The following DLGAP2 variants were observed in gnomAD, a reference collection of about 807,000 sequenced individuals.
The protein encoded by DLGAP2 is disks large-associated protein 2.
A neutral mutation model predicts 100.3 loss-of-function variants in DLGAP2; 26 were observed. The observed-to-expected ratio is 0.26, with a 90% CI of 0.19 to 0.36. The LOEUF (loss-of-function observed/expected upper bound fraction) is 0.36. Among genes scored for constraint, DLGAP2 ranks in the 10% least tolerant of loss-of-function variants. DLGAP2 has a pLI of 1.00. For missense variants in DLGAP2, 1,858 were observed against 1,453.2 expected, an observed-to-expected ratio of 1.28 and a Z score of -4.53; for synonymous variants, 886 against 630.1, an observed-to-expected ratio of 1.41 and a Z score of -6.08.
At chr8:945,879 A>C (rs1799306589) in intron 2 of DLGAP2, among the ~76,000 whole-genome samples, 1 of 151,480 alleles carries the variant, frequency 6.6e-6, no homozygotes, top group African/African-American at 2.4e-5. Flanking sequence ...GTTTTGTCTG[A>C]AATATGTGTG....
chr8:1,220,743 T>G (rs559331839), intron 2 of DLGAP2, among the ~76,000 whole-genome samples: 60 of 152,342 alleles, frequency 3.9e-4, no homozygotes, highest in African/African-American at 1.4e-3. Flanking sequence ...CAAAGTCTTT[T>G]CATAGGCCTC....
intron 2 of DLGAP2, among the ~76,000 whole-genome samples, chr8:1,083,184 T>C (rs1803866610): frequency 2.0e-5 from 3 of 152,188 alleles, no homozygotes; most frequent in African/African-American, 7.2e-5. Flanking sequence ...AAAGGAATTT[T>C]TCACGTGGAT....
intron 3 of DLGAP2, among the ~76,000 whole-genome samples, chr8:1,417,424 C>G (rs938823767): frequency 6.6e-6 from 1 of 152,190 alleles, no homozygotes; most frequent in Non-Finnish European, 1.5e-5. Flanking sequence ...TTGAAGCAAA[C>G]CTTGTTTTTC....
chr8:813,051 G>A (rs568745778), intron 1 of DLGAP2, among the ~76,000 whole-genome samples: 7 of 152,012 alleles, frequency 4.6e-5, no homozygotes, highest in Non-Finnish European at 8.8e-5. Context: ...ATAATACCCC[G>A]GTATGCTTTG....
intron 8 of DLGAP2, among the ~76,000 whole-genome samples, chr8:1,667,907 G>A (rs112507010): frequency 1.2e-4 from 18 of 151,958 alleles, no homozygotes; most frequent in South Asian, 8.3e-4. Context: ...ATGCCTGTGC[G>A]CTGTCCTGCG....
chr8:1,144,540 C>T (rs1236229560), intron 2 of DLGAP2, among the ~76,000 whole-genome samples: 1 of 152,234 alleles, frequency 6.6e-6, no homozygotes, highest in Non-Finnish European at 1.5e-5. Flanking sequence ...CTGTCTCCAT[C>T]CTTTCGACCA....
chr8:752,370 G>A (rs1212221684), intron 1 of DLGAP2, among the ~76,000 whole-genome samples: 4 of 152,190 alleles, frequency 2.6e-5, no homozygotes, highest in Admixed American at 1.3e-4. Flanking sequence ...TGCCCGGGCC[G>A]GTCTCACACC....
intron 3 of DLGAP2, among the ~76,000 whole-genome samples, chr8:1,491,397 T>TCCGAGGCTTCAGGCTGCTCCCCCGATCC (rs1799383482): frequency 6.7e-6 from 1 of 149,474 alleles, no homozygotes; most frequent in Non-Finnish European, 1.5e-5. Flanking sequence ...CCCCCTGACC[T>TCCGAGGCTTCAGGCTGCTCCCCCGATCC]CGGAGGCTTC....
intron 3 of DLGAP2, among the ~76,000 whole-genome samples, chr8:1,352,796 C>T (rs551374514): frequency 6.6e-6 from 1 of 152,258 alleles, no homozygotes; most frequent in African/African-American, 2.4e-5. Flanking sequence ...GATGCCACTC[C>T]CCAGCCCCTA....
chr8:1,586,123 C>A (rs1796110735), intron 6 of DLGAP2, among the ~76,000 whole-genome samples: 2 of 152,270 alleles, frequency 1.3e-5, no homozygotes, highest in Admixed American at 1.3e-4. Flanking sequence ...AGGTCATGAG[C>A]CAACACGGGT....
chr8:953,492 C>G (rs1023546847), intron 2 of DLGAP2, among the ~76,000 whole-genome samples: 7 of 152,152 alleles, frequency 4.6e-5, no homozygotes, highest in African/African-American at 1.7e-4. Flanking sequence ...GTGCCTGGCC[C>G]AAATTTTTAA....
intron 3 of DLGAP2, among the ~76,000 whole-genome samples, chr8:1,323,315 C>G (rs1473763208): frequency 6.6e-6 from 1 of 152,194 alleles, no homozygotes; most frequent in East Asian, 1.9e-4. Context: ...CAGGCATGAG[C>G]CACTGCACCC....
chr8:738,119 G>C (rs938265509), intron 1 of DLGAP2: 1 of 227,932 alleles, frequency 4.4e-6, no homozygotes, highest in Admixed American at 5.8e-5. Flanking sequence ...GGCCGCGGAG[G>C]TGTGAAATTC....
At chr8:920,648 G>T (rs138303811) in intron 2 of DLGAP2, among the ~76,000 whole-genome samples, 5 of 152,234 alleles carry the variant, frequency 3.3e-5, no homozygotes, top group Admixed American at 6.5e-5. Context: ...CTACTCAGGA[G>T]GCTGAGGTAC....
intron 10 of DLGAP2, 132 bp downstream of exon 10, chr8:1,669,916 C>A: frequency 1.4e-6 from 1 of 697,608 alleles, no homozygotes; most frequent in Non-Finnish European, 2.7e-6. Context: ...CTGGGTGCTC[C>A]CATCTGTCCC....
chr8:1,592,549 C>T (rs1470631670), intron 6 of DLGAP2, among the ~76,000 whole-genome samples: 2 of 152,086 alleles, frequency 1.3e-5, no homozygotes, highest in Admixed American at 6.5e-5. Flanking sequence ...ATTCCAACAT[C>T]CTCCTAGTCC....
At chr8:981,241 G>A (rs960120929) in intron 2 of DLGAP2, among the ~76,000 whole-genome samples, 1 of 152,176 alleles carries the variant, frequency 6.6e-6, no homozygotes, top group Non-Finnish European at 1.5e-5. Context: ...GTTGTGGCAT[G>A]CATCAGAATA....
intron 5 of DLGAP2, among the ~76,000 whole-genome samples, chr8:1,551,041 C>T (rs1801748464): frequency 6.6e-6 from 1 of 152,204 alleles, no homozygotes; most frequent in Non-Finnish European, 1.5e-5. Context: ...GGTGGCAAAT[C>T]CTTCCAGTGG....
chr8:1,267,775 T>G (rs565661167), intron 3 of DLGAP2, among the ~76,000 whole-genome samples: 2 of 152,010 alleles, frequency 1.3e-5, no homozygotes, highest in South Asian at 4.2e-4. Context: ...CCTCTGCAGA[T>G]GTCTGTTGGG....
Sources: allele counts gnomAD v4.1 joint callset (sites outside exome capture counted in the v4.1 genomes callset), GRCh38; gene constraint gnomAD v4.1.1; transcripts MANE v1.5; gene names NCBI Gene and HGNC (gene_info 2026-07-23, HGNC 2026-07-21).